Variants in STAB1 observed in about 807,000 individuals in gnomAD.
The protein encoded by STAB1 is stabilin 1, also known as stabilin-1.
In STAB1, 250 loss-of-function variants were observed where a neutral mutation model predicts 332.4. That is an observed-to-expected ratio of 0.75 (90% CI 0.68 to 0.84). STAB1 has a LOEUF of 0.84. Ranked by LOEUF, STAB1 falls within the 40% of genes least tolerant of loss-of-function variation. STAB1 has a pLI of 0.00. For synonymous variants in STAB1, 1,475 were observed against 1,390.4 expected, an observed-to-expected ratio of 1.06 and a Z score of -1.35; for missense variants, 3,249 against 3,489.7, an observed-to-expected ratio of 0.93 and a Z score of 1.74.
At chr3:52,514,920 A>C in intron 35 of STAB1, 69 bp from the exon 36 acceptor site, 1 of 1,612,330 alleles carries the variant, frequency 6.2e-7, no homozygotes, top group Non-Finnish European at 8.5e-7. Flanking sequence ...GCGCATGGTC[A>C]GTCTGTCCTG....
chr3:52,523,242 T>C lies in STAB1; in HGVS notation c.7041T>C (p.Asn2347=), dbSNP rs748892135. 9 of 1,613,292 alleles carry C rather than the reference T, an allele frequency of 5.6e-6. No individual in the cohort carries two copies. The highest frequency in any genetic ancestry group is 1.1e-5 in the South Asian group (1 of 91,090). ...GCCAGATGCTATTGGGCTATGCCAA[T>C]GCCACCCAGCGGGGTCTCGACTTCC... ...TFYGMLLGYA[N]ATQRGLDFLD... is the part of the protein sequence containing the mutation. The change falls in exon 64 of 69, where the codon AAT becomes AAC. Residue 2347 remains asparagine, a synonymous_variant. Transcript: ENST00000321725.
Position 52,513,712 on chromosome 3 carries a change from T to C in STAB1, c.3271-5T>C. ...CTGTGGCTAAGCTCTGCTGCTGCCT[T>C]CCAGAGGGTCTGGGTGCAGAATGCC... On this transcript the variant is annotated splice_region_variant and splice_polypyrimidine_tract_variant and intron_variant, in intron 30 of 68. Transcript: ENST00000321725. 6.2e-7 allele frequency: 1 copy of C among 1,612,672 alleles called. No individual in the cohort carries two copies. The highest frequency in any genetic ancestry group is 8.5e-7 in the Non-Finnish European group (1 of 1,179,812).
chr3:52,510,664 T>A (rs2153233477), intron 25 of STAB1, among the ~76,000 whole-genome samples, 157 bp downstream of exon 25: 1 of 152,318 alleles, frequency 6.6e-6, no homozygotes, highest in Middle Eastern at 3.4e-3. Flanking sequence ...GCATCTGGGA[T>A]TCGCTCCTTC....
In STAB1 at chr3:52,516,452, G is replaced by A; in HGVS notation, c.4240+1G>A. On this transcript the variant is annotated splice_donor_variant, in intron 39 of 68. Coordinates refer to ENST00000321725, the MANE Select transcript of STAB1 (RefSeq NM_015136.3). LOFTEE classifies it high-confidence loss of function. ...TGGCAGGGCCTCCGCTGTGACCAGAGTGAGTGGGTCCCAATGGGGAGGGGG... is the reference window on the plus strand; with the variant it reads ...TGGCAGGGCCTCCGCTGTGACCAGAATGAGTGGGTCCCAATGGGGAGGGGG... 1 of 1,613,450 alleles carries A rather than the reference G, an allele frequency of 6.2e-7. No individual in the cohort carries two copies. The highest frequency in any genetic ancestry group is 1.1e-5 in the South Asian group (1 of 91,068).
At chr3:52,506,046 C>T in intron 16 of STAB1, 110 bp downstream of exon 16, 2 of 1,524,538 alleles carry the variant, frequency 1.3e-6, no homozygotes, top group Non-Finnish European at 1.8e-6. Flanking sequence ...CCCTTCTCAT[C>T]TGTTCTGCTA....
intron 33 of STAB1, 32 bp from the exon 34 acceptor site, chr3:52,514,333 G>T (rs753194811): frequency 2.2e-5 from 34 of 1,556,416 alleles, no homozygotes; most frequent in Non-Finnish European, 2.9e-5. Context: ...TGGTTATCCT[G>T]CAGTCCCCTG....
intron 42 of STAB1, 84 bp downstream of exon 42, chr3:52,517,193 G>A: frequency 6.6e-7 from 1 of 1,506,740 alleles, no homozygotes; most frequent in Non-Finnish European, 8.9e-7. Context: ...AGGGCTGAAG[G>A]GGCACATGGG....
intron 1 of STAB1, 96 bp from the exon 2 acceptor site, chr3:52,501,070 G>A: frequency 6.6e-7 from 1 of 1,507,258 alleles, no homozygotes; most frequent in Non-Finnish European, 9.0e-7. Flanking sequence ...ATGGGAAGTG[G>A]CAGCTGGAGG....
chr3:52,521,237 G>C, intron 55 of STAB1, 124 bp from the exon 56 acceptor site: 4 of 1,397,300 alleles, frequency 2.9e-6, no homozygotes, highest in Non-Finnish European at 3.9e-6. Context: ...CATGGGCCTG[G>C]AGGGATCTTA....
Position 52,516,979 on chromosome 3 carries a change from C to T in STAB1, c.4364-5C>T, listed in dbSNP as rs1404027393. On this transcript the variant is annotated splice_polypyrimidine_tract_variant and splice_region_variant and intron_variant, in intron 41 of 68. Transcript: ENST00000321725. The stretch of plus-strand genomic sequence containing the variant: ...CCTGAGGACTCTCTGGCCATCTCCC[C>T]TTAGAGGTGGACCCCTGCGCCCACG... The T allele has an allele frequency of 6.2e-7, 1 of 1,610,510 alleles. No individual in the cohort carries two copies. The highest frequency in any genetic ancestry group is 1.3e-5 in the African/African-American group (1 of 74,988).
Position 52,509,770 on chromosome 3 carries a change from A to G in STAB1, c.2348-100A>G, listed in dbSNP as rs142762813. 5,811 of 1,319,824 alleles carry G rather than the reference A, an allele frequency of 4.4e-3. 23 individuals are homozygous for G. Among genetic ancestry groups the G allele is most frequent in the Non-Finnish European group, 4.9e-3 (4,569 of 931,790 alleles). The allele number at this position is 1,319,824 out of a possible 1,614,324, so 81.8% of individuals were successfully genotyped here. ...TTTTCCACCCTGAAGTCAAATCTGT[A>G]CTGGCTGCCCCACTCCCTATATCCC... On this transcript the variant is annotated intron_variant, in intron 22 of 68. Coordinates refer to ENST00000321725, the MANE Select transcript of STAB1 (RefSeq NM_015136.3).
rs757739535 is a variant in STAB1 at position 52,501,197 on chromosome 3, C to T, written c.110C>T (p.Thr37Met). ...VLFKGCDVKT[T>M]FVTHVPCTSC... The stretch of plus-strand genomic sequence containing the variant: ...TTCAAAGGCTGTGATGTGAAAACCA[C>T]GTTTGTCACTCATGTACCCTGCACC... Residue 37 changes from threonine to methionine, a missense_variant, in exon 2 of 69, where the codon ACG becomes ATG. Physicochemically the swap from Thr to Met is moderately conservative, Grantham distance 81. Coordinates refer to ENST00000321725, the MANE Select transcript of STAB1 (RefSeq NM_015136.3). The T allele has an allele frequency of 1.6e-5, 26 of 1,613,656 alleles. No homozygotes were observed. In the East Asian group the frequency reaches 4.5e-4, roughly 28 times the overall value.
chr3:52,503,273 T>C, intron 7 of STAB1, 71 bp from the exon 8 acceptor site: 1 of 1,539,764 alleles, frequency 6.5e-7, no homozygotes, highest in East Asian at 2.4e-5. Context: ...CCGGCCTTCC[T>C]GGTGAAAGCT....
At chr3:52,513,360 T>G in intron 30 of STAB1, 119 bp downstream of exon 30, 5 of 967,170 alleles carry the variant, frequency 5.2e-6, no homozygotes, top group Non-Finnish European at 6.1e-6. Flanking sequence ...CCCCTCGCCC[T>G]GCCCAGAGCC....
Position 52,510,094 on chromosome 3 carries a change from C to T in STAB1, c.2534+38C>T, listed in dbSNP as rs1315432772. The T allele has an allele frequency of 3.7e-6, 6 of 1,613,540 alleles. No homozygotes were observed. The South Asian group carries it at 4.4e-5, about 12-fold the overall frequency. The stretch of plus-strand genomic sequence containing the variant: ...ACCTTCTGTCTGCCCCACCCGTGAC[C>T]TTTCATACCTGAGGCTCACTGGAGC... On this transcript the variant is annotated intron_variant, in intron 23 of 68. Transcript: ENST00000321725.
chr3:52,506,410 G>C (rs1231439085), intron 17 of STAB1, among the ~76,000 whole-genome samples, 160 bp downstream of exon 17: 1 of 152,244 alleles, frequency 6.6e-6, no homozygotes, highest in Non-Finnish European at 1.5e-5. Context: ...AAATTCCTCT[G>C]CTGGGGCCCA....
At position 52,521,961 on chromosome 3, in the gene STAB1, T is replaced by C. The variant is rs1476931886; in HGVS notation, c.6271+10T>C. Reference sequence around the variant, plus strand: ...GGCCGTGTGTGTACAGGTAAGCAGATGGGCGGGGACATGGAGGTGGGAGGC... The same window carrying C: ...GGCCGTGTGTGTACAGGTAAGCAGACGGGCGGGGACATGGAGGTGGGAGGC... On this transcript the variant is annotated intron_variant, in intron 58 of 68. Transcript: ENST00000321725. 9 of 1,606,812 alleles carry C rather than the reference T, an allele frequency of 5.6e-6. No homozygotes were observed. Among genetic ancestry groups the C allele is most frequent in the Admixed American group, 3.3e-5 (2 of 59,768 alleles).
chr3:52,522,359 C>T lies in STAB1; in HGVS notation c.6495C>T (p.Gly2165=). 1 of 1,613,018 alleles carries T rather than the reference C, an allele frequency of 6.2e-7. No individual in the cohort carries two copies. Among genetic ancestry groups the T allele is most frequent in the African/African-American group, 1.3e-5 (1 of 75,054 alleles). ...CACGGCGCTGTGAGTGCCACGCAGGCTACGTAGGCGATGGACTGCAGTGTC... is the reference window on the plus strand; with the variant it reads ...CACGGCGCTGTGAGTGCCACGCAGGTTACGTAGGCGATGGACTGCAGTGTC... ...LNTRRCECHA[G]YVGDGLQCLE... is the part of the protein sequence containing the mutation. The change falls in exon 60 of 69, where the codon GGC becomes GGT. Residue 2165 remains glycine (G), a synonymous_variant. Coordinates refer to ENST00000321725, the MANE Select transcript of STAB1 (RefSeq NM_015136.3).
At position 52,513,774 on chromosome 3, in the gene STAB1, G is replaced by A; in HGVS notation, c.3328G>A (p.Val1110Ile). The change falls in exon 31 of 69, where the codon GTC becomes ATC. Residue 1110 changes from valine to isoleucine, a missense_variant. Transcript: ENST00000321725. ...DVADLLATNGVLHILSQVLLP... is the reference protein window; with the variant it reads ...DVADLLATNGILHILSQVLLP... ...GGCTGACCTCCTTGCCACCAACGGT[G>A]TCCTACACATCCTCAGCCAGGTACA... The A allele has an allele frequency of 6.2e-7, 1 of 1,613,440 alleles. No individual in the cohort carries two copies. Among genetic ancestry groups the A allele is most frequent in the Non-Finnish European group, 8.5e-7 (1 of 1,180,004 alleles).
Sources: gnomAD v4.1 joint callset for allele counts (sites outside exome capture counted in the v4.1 genomes callset) on GRCh38, gnomAD v4.1.1 for gene constraint, MANE v1.5 for transcripts, NCBI Gene and HGNC (gene_info 2026-07-23, HGNC 2026-07-21) for gene names.